CSMD1: variants seen among roughly 807,000 people sequenced by gnomAD.
CSMD1 encodes the protein CUB and sushi domain-containing protein 1.
CSMD1 carries 213 observed loss-of-function variants against 417.5 expected under a neutral mutation model. The ratio of observed to expected loss-of-function variants is 0.51; its 90% confidence interval spans 0.46 to 0.57. CSMD1 has a LOEUF of 0.57. CSMD1 is among the 20% of genes least tolerant of loss of function. The probability of loss-of-function intolerance (pLI) is 0.00; values close to 1 mark genes in which losing one functional copy is unlikely to be tolerated. For missense variants in CSMD1, 6,923 were observed against 4,529.7 expected, an observed-to-expected ratio of 1.53 and a Z score of -15.17; for synonymous variants, 2,862 against 1,736.8, an observed-to-expected ratio of 1.65 and a Z score of -16.11.
At chr8:3,986,868 C>T (rs564131379) in intron 5 of CSMD1, among the ~76,000 whole-genome samples, 16 of 152,216 alleles carry the variant, frequency 1.1e-4, no homozygotes, top group African/African-American at 3.9e-4. Flanking sequence ...AATTCTCCTG[C>T]TTCAGCCTCC....
intron 23 of CSMD1, among the ~76,000 whole-genome samples, chr8:3,336,189 A>G (rs1188182280): frequency 6.6e-6 from 1 of 152,074 alleles, no homozygotes; most frequent in African/African-American, 2.4e-5. Flanking sequence ...GGTTTTCATC[A>G]GTATTAAGTT....
At chr8:4,768,404 G>T (rs530251054) in intron 1 of CSMD1, among the ~76,000 whole-genome samples, 1 of 152,130 alleles carries the variant, frequency 6.6e-6, no homozygotes, top group Non-Finnish European at 1.5e-5. Flanking sequence ...CTTCCATACA[G>T]TCTGCCGGGT....
chr8:3,913,079 G>C (rs191961322), intron 5 of CSMD1, among the ~76,000 whole-genome samples: 5 of 152,250 alleles, frequency 3.3e-5, no homozygotes, highest in Admixed American at 2.0e-4. Context: ...TAGGAAAGGA[G>C]CTTTTGGATG....
At chr8:3,137,727 G>A (rs1332549022) in intron 41 of CSMD1, among the ~76,000 whole-genome samples, 1 of 152,174 alleles carries the variant, frequency 6.6e-6, no homozygotes, top group Non-Finnish European at 1.5e-5. Context: ...ATCGCTCAGG[G>A]AACGATGATA....
intron 7 of CSMD1, among the ~76,000 whole-genome samples, chr8:3,621,207 G>A (rs902069852): frequency 2.0e-5 from 3 of 152,150 alleles, no homozygotes; most frequent in Non-Finnish European, 2.9e-5. Flanking sequence ...GCCACTCGGC[G>A]AGTAGCGTAG....
chr8:3,503,748 C>A (rs1250743162), intron 10 of CSMD1, among the ~76,000 whole-genome samples: 2 of 152,180 alleles, frequency 1.3e-5, no homozygotes, highest in East Asian at 3.9e-4. Flanking sequence ...TTAGTTTTCC[C>A]TGTCTCAGCC....
intron 1 of CSMD1, among the ~76,000 whole-genome samples, chr8:4,778,097 G>A (rs932671426): frequency 1.3e-5 from 2 of 151,884 alleles, no homozygotes; most frequent in Non-Finnish European, 2.9e-5. Flanking sequence ...TTAAAATTAG[G>A]ATCAGTATAA....
intron 4 of CSMD1, 89 bp from the exon 5 acceptor site, chr8:3,998,199 G>C: frequency 4.2e-6 from 5 of 1,201,848 alleles, no homozygotes; most frequent in Non-Finnish European, 5.8e-6. Context: ...CTTGATCAGC[G>C]ACAAATATTT....
At chr8:4,788,539 T>G (rs2117221868) in intron 1 of CSMD1, 1 of 1,413,994 alleles carries the variant, frequency 7.1e-7, no homozygotes, top group Non-Finnish European at 9.8e-7. Flanking sequence ...TGAACACATG[T>G]ATTTCCTTGA....
chr8:4,189,785 A>C (rs1366008617), intron 3 of CSMD1, among the ~76,000 whole-genome samples: 1 of 152,214 alleles, frequency 6.6e-6, no homozygotes. Flanking sequence ...CACAAAGGAT[A>C]ATTTTATCTT....
In CSMD1 at chr8:3,469,122, G is replaced by T. The variant is rs543647624; in HGVS notation, c.1449-298C>A. 93 of 253,372 alleles carry T rather than the reference G, an allele frequency of 3.7e-4. 1 individual carries two copies. The South Asian group carries it at 5.9e-3, about 16-fold the overall frequency. 15.7% of individuals were successfully genotyped at this position (253,372 alleles called of 1,614,324 possible). A position where few individuals can be genotyped will look rare whatever the true frequency, so the allele number is the denominator to read the frequency against. On this transcript the variant is annotated intron_variant, in intron 11 of 69. Coordinates refer to ENST00000635120, the MANE Select transcript of CSMD1 (RefSeq NM_033225.6). Reference sequence around the variant, plus strand: ...CTGGAACCGAGAGGCTTCCCCAGGTGCAGGAATTACAATGTTACAACTGGG... The same window carrying T: ...CTGGAACCGAGAGGCTTCCCCAGGTTCAGGAATTACAATGTTACAACTGGG...
intron 1 of CSMD1, among the ~76,000 whole-genome samples, chr8:4,900,721 C>T (rs1804812727): frequency 6.6e-6 from 1 of 152,334 alleles, no homozygotes; most frequent in Middle Eastern, 3.4e-3. Context: ...TTCTCTCTTC[C>T]ACTCACGGAG....
At chr8:3,006,917 A>T (rs1807959310) in intron 52 of CSMD1, among the ~76,000 whole-genome samples, 1 of 141,158 alleles carries the variant, frequency 7.1e-6, no homozygotes, top group Admixed American at 6.7e-5. Context: ...GACAAAATTG[A>T]CAAATGGGAT....
intron 2 of CSMD1, among the ~76,000 whole-genome samples, chr8:4,579,899 A>G (rs1799331200): frequency 6.6e-6 from 1 of 152,184 alleles, no homozygotes; most frequent in Non-Finnish European, 1.5e-5. Context: ...TTATAAGGGT[A>G]TAATTAAGTC....
chr8:3,433,123 G>T (rs1814326356), intron 12 of CSMD1, among the ~76,000 whole-genome samples: 1 of 152,204 alleles, frequency 6.6e-6, no homozygotes, highest in African/African-American at 2.4e-5. Context: ...TGGAAGGTTA[G>T]AAAGTTGCAT....
At chr8:4,934,760 C>A (rs901327559) in intron 1 of CSMD1, among the ~76,000 whole-genome samples, 3 of 152,138 alleles carry the variant, frequency 2.0e-5, no homozygotes, top group Non-Finnish European at 4.4e-5. Flanking sequence ...TATCTACCTA[C>A]CTATACTATA....
chr8:3,380,269 G>T (rs1161338437), intron 18 of CSMD1, among the ~76,000 whole-genome samples: 2 of 152,148 alleles, frequency 1.3e-5, no homozygotes, highest in Non-Finnish European at 2.9e-5. Context: ...GGAGAAACAG[G>T]AACACTTTTA....
chr8:4,604,821 C>T (rs1309569644), intron 2 of CSMD1, among the ~76,000 whole-genome samples: 1 of 152,002 alleles, frequency 6.6e-6, no homozygotes, highest in Non-Finnish European at 1.5e-5. Context: ...CTCCTTTTTT[C>T]AGCCAAGGAT....
chr8:3,692,282 A>C (rs1427183842), intron 7 of CSMD1, among the ~76,000 whole-genome samples: 3 of 152,060 alleles, frequency 2.0e-5, no homozygotes, highest in African/African-American at 7.2e-5. Flanking sequence ...GCACCACCAC[A>C]ATTTGTATAC....
Sources: allele counts gnomAD v4.1 joint callset (sites outside exome capture counted in the v4.1 genomes callset), GRCh38; gene constraint gnomAD v4.1.1; transcripts MANE v1.5; gene names NCBI Gene and HGNC (gene_info 2026-07-23, HGNC 2026-07-21).